The following SLC25A21 variants were observed in gnomAD, a reference collection of about 807,000 sequenced individuals.
SLC25A21 encodes the protein solute carrier family 25 member 21, also known as mitochondrial 2-oxodicarboxylate carrier.
Under a neutral mutation model 43.8 loss-of-function variants are expected in SLC25A21, and 47 were observed. The ratio of observed to expected loss-of-function variants is 1.07; its 90% CI spans 0.85 to 1.37. The LOEUF is 1.37. Ranked by LOEUF, SLC25A21 falls within the 40% of genes most tolerant of loss-of-function variation. The pLI, the probability that SLC25A21 is intolerant of heterozygous loss-of-function variation, is 0.00. For synonymous variants in SLC25A21, 131 were observed against 121.3 expected, an observed-to-expected ratio of 1.08 and a Z score of -0.52; for missense variants, 352 against 350.2, an observed-to-expected ratio of 1.00 and a Z score of -0.04.
intron 1 of SLC25A21, among the ~76,000 whole-genome samples, chr14:37,059,246 T>TG (rs1346302956): frequency 6.6e-6 from 1 of 152,162 alleles, no homozygotes; most frequent in Non-Finnish European, 1.5e-5. Flanking sequence ...ACCCATCCTA[T>TG]GAAGCACTTA....
chr14:36,963,801 A>G (rs1459496385), intron 1 of SLC25A21, among the ~76,000 whole-genome samples: 1 of 152,166 alleles, frequency 6.6e-6, no homozygotes, highest in Admixed American at 6.5e-5. Flanking sequence ...TCATGGCTAG[A>G]ACATCACTGT....
intron 1 of SLC25A21, among the ~76,000 whole-genome samples, chr14:36,974,303 G>A (rs1008486765): frequency 6.6e-6 from 1 of 152,156 alleles, no homozygotes; most frequent in Admixed American, 6.5e-5. Context: ...TTAGAAATAT[G>A]ACTCATGCTT....
chr14:36,708,903 T>C (rs1257552854), intron 7 of SLC25A21, among the ~76,000 whole-genome samples: 2 of 151,546 alleles, frequency 1.3e-5, no homozygotes, highest in Non-Finnish European at 2.9e-5. Context: ...TTTTAAACAA[T>C]TGAGAACATT....
At chr14:36,982,298 T>C (rs1436562045) in intron 1 of SLC25A21, among the ~76,000 whole-genome samples, 1 of 152,254 alleles carries the variant, frequency 6.6e-6, no homozygotes, top group Non-Finnish European at 1.5e-5. Flanking sequence ...AAATTATTCA[T>C]TGTGTATTAT....
At chr14:36,781,693 G>A (rs571434631) in intron 3 of SLC25A21, among the ~76,000 whole-genome samples, 15 of 152,170 alleles carry the variant, frequency 9.9e-5, no homozygotes, top group Non-Finnish European at 1.8e-4. Flanking sequence ...ACAAATAATT[G>A]TAGTTATAAT....
intron 1 of SLC25A21, among the ~76,000 whole-genome samples, chr14:37,111,385 T>A (rs1305414233): frequency 6.6e-6 from 1 of 152,052 alleles, no homozygotes; most frequent in Admixed American, 6.6e-5. Flanking sequence ...ATAAATCAGA[T>A]GTTAGTTTTT....
chr14:36,825,384 T>C (rs944982147), intron 2 of SLC25A21, among the ~76,000 whole-genome samples: 1 of 152,196 alleles, frequency 6.6e-6, no homozygotes, highest in African/African-American at 2.4e-5. Context: ...TCAAATTACA[T>C]GTTAAAAATA....
intron 1 of SLC25A21, among the ~76,000 whole-genome samples, chr14:36,982,366 A>G (rs1960047885): frequency 6.6e-6 from 1 of 152,216 alleles, no homozygotes; most frequent in Non-Finnish European, 1.5e-5. Flanking sequence ...GTACAAAAAT[A>G]GTAAAATATT....
chr14:36,936,078 C>T (rs1892416461), intron 1 of SLC25A21, among the ~76,000 whole-genome samples: 1 of 152,118 alleles, frequency 6.6e-6, no homozygotes, highest in Non-Finnish European at 1.5e-5. Flanking sequence ...GCTTTGCAAA[C>T]CTCAGGCCAA....
chr14:37,172,107 A>G (rs1184857802), intron 1 of SLC25A21, 174 bp downstream of exon 1: 3 of 659,662 alleles, frequency 4.5e-6, no homozygotes, highest in African/African-American at 1.8e-5. Context: ...CTCGCAATCA[A>G]CTCCCGGCCT....
chr14:36,944,957 C>T (rs1424467322), intron 1 of SLC25A21, among the ~76,000 whole-genome samples: 1 of 152,150 alleles, frequency 6.6e-6, no homozygotes, highest in African/African-American at 2.4e-5. Flanking sequence ...ACTGCTGGTA[C>T]AGTTGCTGAG....
chr14:37,098,770 C>T lies in SLC25A21; in HGVS notation c.70+73511G>A, dbSNP rs74757125. Among the ~76,000 whole-genome samples the T allele has an allele frequency of 2.3e-3, 280 of 121,486 alleles. 2 individuals are homozygous for T. Among genetic ancestry groups the T allele is most frequent in the East Asian group, 0.016 (39 of 2,466 alleles). The allele number at this position is 121,486 out of a possible 152,430, so 79.7% of individuals were successfully genotyped here. On this transcript the variant is annotated intron_variant, in intron 1 of 9. Transcript: ENST00000331299. Reference sequence around the variant, plus strand: ...ATAGACAGACAGACAGACAGACAGACAGACAGACAGACAGACAGATAGATA... The same window carrying T: ...ATAGACAGACAGACAGACAGACAGATAGACAGACAGACAGACAGATAGATA...
intron 3 of SLC25A21, among the ~76,000 whole-genome samples, chr14:36,812,884 G>A (rs1259632595): frequency 1.3e-5 from 2 of 152,022 alleles, no homozygotes; most frequent in Non-Finnish European, 2.9e-5. Context: ...TGTCCAACTG[G>A]AATGGAACCC....
intron 2 of SLC25A21, among the ~76,000 whole-genome samples, chr14:36,843,141 C>G (rs149360763): frequency 1.8e-4 from 28 of 152,304 alleles, no homozygotes; most frequent in Non-Finnish European, 3.5e-4. Flanking sequence ...GCTGTACAGC[C>G]TAGTTCCTAA....
intron 1 of SLC25A21, among the ~76,000 whole-genome samples, chr14:37,137,946 A>G (rs1185272950): frequency 6.6e-6 from 1 of 152,228 alleles, no homozygotes; most frequent in Non-Finnish European, 1.5e-5. Context: ...ACATTCATCA[A>G]TGTGAATACA....
intron 1 of SLC25A21, among the ~76,000 whole-genome samples, chr14:36,928,635 A>G (rs1453557409): frequency 1.3e-5 from 2 of 152,116 alleles, no homozygotes; most frequent in Non-Finnish European, 2.9e-5. Flanking sequence ...AACAGCTTAA[A>G]TTGTGATTTT....
At chr14:37,095,664 T>C (rs1962675204) in intron 1 of SLC25A21, among the ~76,000 whole-genome samples, 1 of 152,130 alleles carries the variant, frequency 6.6e-6, no homozygotes, top group Admixed American at 6.6e-5. Context: ...AGTAGGAGGA[T>C]TGCTTGCTTG....
At chr14:37,001,311 T>C (rs1241234475) in intron 1 of SLC25A21, among the ~76,000 whole-genome samples, 1 of 152,148 alleles carries the variant, frequency 6.6e-6, no homozygotes, top group Non-Finnish European at 1.5e-5. Context: ...GCCCTTTAAA[T>C]GCATTGTTTC....
chr14:36,745,509 TTTC>T (rs1312196753), intron 3 of SLC25A21, among the ~76,000 whole-genome samples: 1 of 152,148 alleles, frequency 6.6e-6, no homozygotes, highest in Non-Finnish European at 1.5e-5. Flanking sequence ...GCCTCTGTTG[TTTC>T]TTAACTTTTT....
Sources: gnomAD v4.1 joint callset for allele counts (sites outside exome capture counted in the v4.1 genomes callset) on GRCh38, gnomAD v4.1.1 for gene constraint, MANE v1.5 for transcripts, NCBI Gene and HGNC (gene_info 2026-07-23, HGNC 2026-07-21) for gene names.